The following PACRG variants were observed in gnomAD, a reference collection of about 807,000 sequenced individuals.
PACRG encodes the protein parkin coregulated gene protein.
A neutral mutation model predicts 29.7 loss-of-function variants in PACRG; 29 were observed. That is an observed-to-expected ratio of 0.98 (90% confidence interval 0.73 to 1.33). The LOEUF (loss-of-function observed/expected upper bound fraction) is 1.33, where lower values mean the gene tolerates loss of function less well. Ranked by LOEUF, PACRG falls within the 40% of genes most tolerant of loss-of-function variation. The pLI, the probability that PACRG is intolerant of heterozygous loss-of-function variation, is 0.00. For missense variants in PACRG, 279 were observed against 316.2 expected, an observed-to-expected ratio of 0.88 and a Z score of 0.89; for synonymous variants, 116 against 118.7, an observed-to-expected ratio of 0.98 and a Z score of 0.15.
rs1810445167 is a variant in PACRG, at chr6:163,055,142, TAAAG to T, written c.292-7005_292-7002del. ...AATGAGGAAGCAAGGACAGTGATGA[TAAAG>T]AATTCTCTTGAAAAACTTTACTATG... On this transcript the variant is annotated intron_variant, in intron 2 of 4. Transcript: ENST00000366888. This position sits in a 1 kb window ranked among gnomAD's most constrained non-coding sequence, Gnocchi z 4.0. Among the ~76,000 whole-genome samples the T allele has an allele frequency of 6.6e-6, 1 of 152,148 alleles. No individual in the cohort carries two copies. Among genetic ancestry groups the T allele is most frequent in the African/African-American group, 2.4e-5 (1 of 41,442 alleles).
At chr6:162,839,041 T>C (rs1252542344) in intron 2 of PACRG, among the ~76,000 whole-genome samples, 2 of 129,198 alleles carry the variant, frequency 1.5e-5, no homozygotes, top group African/African-American at 6.2e-5. Flanking sequence ...TGAATAATGC[T>C]GCAATAAACA....
At chr6:163,178,485 G>T (rs1376921754) in intron 4 of PACRG, among the ~76,000 whole-genome samples, 2 of 152,164 alleles carry the variant, frequency 1.3e-5, no homozygotes, top group African/African-American at 4.8e-5. Flanking sequence ...TTGAGACACA[G>T]ACACATGCAG....
chr6:163,194,170 G>C (rs912171425), intron 4 of PACRG, among the ~76,000 whole-genome samples: 1 of 152,134 alleles, frequency 6.6e-6, no homozygotes, highest in African/African-American at 2.4e-5. Flanking sequence ...GACAACAGAT[G>C]AGGCCATCTG....
rs770251226 is a variant in PACRG, at chr6:163,269,926, GA to G, written c.614-44897del. 7.9e-3 allele frequency among the ~76,000 whole-genome samples: 266 copies of G among 33,710 alleles called. 5 individuals are homozygous for G. The highest frequency in any genetic ancestry group is 0.016 in the African/African-American group (107 of 6,712). 22.1% of individuals were successfully genotyped at this position (33,710 alleles called of 152,430 possible). A position where few individuals can be genotyped will look rare whatever the true frequency, so the allele number is the denominator to read the frequency against. The stretch of plus-strand genomic sequence containing the variant: ...AGAAAGAAAGAAAGAAAGAAAGAAA[GA>G]AAACAAAGAAAGAAAGAAAGAAAGA... On this transcript the variant is annotated intron_variant, in intron 4 of 4. Transcript: ENST00000366888.
At chr6:162,979,535 C>T (rs1802235269) in intron 2 of PACRG, among the ~76,000 whole-genome samples, 1 of 152,098 alleles carries the variant, frequency 6.6e-6, no homozygotes, top group African/African-American at 2.4e-5. Context: ...TCAATGTAAT[C>T]TCATTTGTCT....
chr6:163,269,959 G>GAAAACAAAC (rs1238564478), intron 4 of PACRG, among the ~76,000 whole-genome samples: 5 of 57,898 alleles, frequency 8.6e-5, no homozygotes, highest in African/African-American at 4.9e-4. Flanking sequence ...AAGAAAGAAA[G>GAAAACAAAC]AAAGAAAGAA....
At chr6:162,970,871 G>A (rs1028242912) in intron 2 of PACRG, among the ~76,000 whole-genome samples, 1 of 152,168 alleles carries the variant, frequency 6.6e-6, no homozygotes, top group Non-Finnish European at 1.5e-5. Context: ...TATCCTGACT[G>A]AAGTAATCAG....
intron 4 of PACRG, among the ~76,000 whole-genome samples, chr6:163,301,571 G>A (rs113023435): frequency 1.5e-3 from 222 of 152,306 alleles, no homozygotes; most frequent in African/African-American, 5.2e-3. Context: ...CATGGCCTGA[G>A]GATGAAGCAG....
chr6:162,939,849 A>G (rs891998825), intron 2 of PACRG, among the ~76,000 whole-genome samples: 1 of 152,154 alleles, frequency 6.6e-6, no homozygotes, highest in Admixed American at 6.5e-5. Flanking sequence ...TAATTTGCAA[A>G]ATTTATTTAG....
At chr6:162,878,681 G>T (rs1255866553) in intron 2 of PACRG, among the ~76,000 whole-genome samples, 1 of 152,192 alleles carries the variant, frequency 6.6e-6, no homozygotes, top group Non-Finnish European at 1.5e-5. Context: ...GGAAATTTGA[G>T]ATTGTTCTAG....
At chr6:162,976,132 G>A (rs1418724687) in intron 2 of PACRG, among the ~76,000 whole-genome samples, 1 of 152,196 alleles carries the variant, frequency 6.6e-6, no homozygotes, top group African/African-American at 2.4e-5. Flanking sequence ...CGTGAGTAGT[G>A]AGAAATGGAA....
chr6:162,841,309 C>T (rs1478852152), intron 2 of PACRG, among the ~76,000 whole-genome samples: 3 of 148,152 alleles, frequency 2.0e-5, no homozygotes, highest in Non-Finnish European at 4.5e-5. Context: ...CAACTTCTTC[C>T]TGGTTTAGTC....
chr6:163,170,550 C>T (rs960064570), intron 4 of PACRG: 9 of 152,204 alleles, frequency 5.9e-5, no homozygotes, highest in Admixed American at 2.6e-4. Flanking sequence ...ACTCACCCTA[C>T]TCTGTTGTGC....
chr6:162,815,409 T>G (rs762190727), intron 2 of PACRG, among the ~76,000 whole-genome samples: 38 of 149,952 alleles, frequency 2.5e-4, no homozygotes, highest in Non-Finnish European at 4.4e-4. Context: ...TTATATCTAG[T>G]ATGTCTTTTG....
chr6:162,994,278 A>C (rs1803744103), intron 2 of PACRG, among the ~76,000 whole-genome samples: 1 of 147,592 alleles, frequency 6.8e-6, no homozygotes, highest in Non-Finnish European at 1.5e-5. Context: ...CCTGAATCTG[A>C]ACGTTGGCCT....
chr6:163,041,242 C>T (rs1232801301), intron 2 of PACRG, among the ~76,000 whole-genome samples: 1 of 152,048 alleles, frequency 6.6e-6, no homozygotes, highest in Non-Finnish European at 1.5e-5. Flanking sequence ...GAGGGTGAGG[C>T]AGGAGAATGG....
chr6:162,881,961 TGG>T (rs57044539), intron 2 of PACRG, among the ~76,000 whole-genome samples: 1 of 59,972 alleles, frequency 1.7e-5, no homozygotes, highest in Non-Finnish European at 3.1e-5. Context: ...CAGAGATGGG[TGG>T]GGGGGGGCAC....
In PACRG at chr6:162,753,477, C is replaced by T. The variant is rs567605419; in HGVS notation, c.156+25086C>T. On this transcript the variant is annotated intron_variant, in intron 1 of 4. Transcript: ENST00000366888. Reference sequence around the variant, plus strand: ...GAATAGTATTACATTTAATTTATATCGCAATTTTTTATCCATTTGTCCATT... The same window carrying T: ...GAATAGTATTACATTTAATTTATATTGCAATTTTTTATCCATTTGTCCATT... Among the ~76,000 whole-genome samples the T allele has an allele frequency of 3.3e-5, 5 of 152,240 alleles. No homozygotes were observed. In the South Asian group the frequency reaches 6.2e-4, roughly 19 times the overall value.
intron 1 of PACRG, among the ~76,000 whole-genome samples, chr6:162,780,874 A>T (rs147074107): frequency 7.2e-4 from 109 of 152,178 alleles, no homozygotes; most frequent in African/African-American, 2.4e-3. Flanking sequence ...AAAAATTAAG[A>T]AAAAAAGAAC....
Sources: gnomAD v4.1 joint callset for allele counts (sites outside exome capture counted in the v4.1 genomes callset) on GRCh38, gnomAD v4.1.1 for gene constraint, Gnocchi (gnomAD v3.1) non-coding constraint, MANE v1.5 for transcripts, NCBI Gene and HGNC (gene_info 2026-07-23, HGNC 2026-07-21) for gene names.